The following SLC12A7 variants were observed in gnomAD, a reference collection of about 807,000 sequenced individuals.
The protein encoded by SLC12A7 is K-Cl cotransporter 4.
In SLC12A7, 100 loss-of-function variants were observed where a neutral mutation model predicts 120.6. The ratio of observed to expected loss-of-function variants is 0.83; its 90% CI spans 0.71 to 0.98. SLC12A7 has a LOEUF of 0.98. Among genes scored for constraint, SLC12A7 ranks in the 50% least tolerant of loss-of-function variants. SLC12A7 has a pLI of 0.00. For missense variants in SLC12A7, 1,373 were observed against 1,548.1 expected (o/e 0.89, Z 1.90); for synonymous variants, 760 against 678.0 (o/e 1.12, Z -1.88).
intron 6 of SLC12A7, among the ~76,000 whole-genome samples, chr5:1,086,672 C>G (rs995002231): frequency 6.6e-6 from 1 of 152,240 alleles, no homozygotes; most frequent in African/African-American, 2.4e-5. Flanking sequence ...ATGCCAGGCA[C>G]GCCTCACGGA....
Position 1,074,673 on chromosome 5 carries a change from T to C in SLC12A7, c.1968-2A>G, listed in dbSNP as rs1738121133. 1.1e-5 allele frequency: 18 copies of C among 1,612,252 alleles called. No homozygotes were observed. The highest frequency in any genetic ancestry group is 1.5e-5 in the Non-Finnish European group (18 of 1,179,752). On this transcript the variant is annotated splice_acceptor_variant, in intron 15 of 23. Transcript: ENST00000264930. LOFTEE classifies it high-confidence loss of function. ...CCATCGCCCCACTCCTTCTCGGCCCTGTGGGAAAGGAAGTCGGGGTTTGTC... is the reference window on the plus strand; with the variant it reads ...CCATCGCCCCACTCCTTCTCGGCCCCGTGGGAAAGGAAGTCGGGGTTTGTC...
intron 20 of SLC12A7, among the ~76,000 whole-genome samples, chr5:1,060,897 G>A (rs1458428381): frequency 7.4e-6 from 1 of 135,726 alleles, no homozygotes; most frequent in African/African-American, 3.3e-5. Context: ...CGCCATGCAG[G>A]ACCCTGGGTC....
chr5:1,107,810 T>C (rs1019256416), intron 1 of SLC12A7, among the ~76,000 whole-genome samples: 5 of 152,136 alleles, frequency 3.3e-5, no homozygotes, highest in Non-Finnish European at 5.9e-5. Context: ...ACCATGAACC[T>C]GAGTCCACGA....
the SLC12A7 span, among the ~76,000 whole-genome samples, chr5:1,142,560 CTCTGTCTCTCTT>C: frequency 4.6e-5 from 6 of 129,648 alleles, no homozygotes; most frequent in African/African-American, 1.8e-4. Context: ...GTGTCTCTCT[CTCTGTCTCTCTT>C]TCTGTCTCTG....
At chr5:1,066,934 G>A (rs551810507) in intron 17 of SLC12A7, among the ~76,000 whole-genome samples, 84 of 151,946 alleles carry the variant, frequency 5.5e-4, no homozygotes, top group South Asian at 1.3e-3. Context: ...CAGCAGCCCC[G>A]GGCCACTCAG....
At chr5:1,144,147 C>T in the SLC12A7 span, among the ~76,000 whole-genome samples, 2 of 151,808 alleles carry the variant, frequency 1.3e-5, no homozygotes, top group Non-Finnish European at 2.9e-5. Flanking sequence ...AGGGAGAGGA[C>T]GTGGACGCAC....
intron 3 of SLC12A7, among the ~76,000 whole-genome samples, chr5:1,091,911 C>T (rs1214324136): frequency 1.3e-5 from 2 of 151,536 alleles, no homozygotes; most frequent in Admixed American, 6.5e-5. Flanking sequence ...AAGGGCTGGC[C>T]GAGCTACAGA....
chr5:1,125,535 G>T, the SLC12A7 span, among the ~76,000 whole-genome samples: 9 of 152,226 alleles, frequency 5.9e-5, no homozygotes, highest in East Asian at 1.7e-3. Context: ...TTTATCTAGG[G>T]TGGGAGACTA....
intron 1 of SLC12A7, among the ~76,000 whole-genome samples, chr5:1,108,660 C>A (rs1742750465): frequency 6.6e-6 from 1 of 152,234 alleles, no homozygotes; most frequent in African/African-American, 2.4e-5. Context: ...CAAGTCCCTG[C>A]ATCCCCAAAG....
intron 20 of SLC12A7, among the ~76,000 whole-genome samples, chr5:1,060,694 G>A (rs546414166): frequency 2.0e-5 from 3 of 152,274 alleles, no homozygotes; most frequent in Non-Finnish European, 2.9e-5. Context: ...CCCTCCGACC[G>A]GGCACAAGGG....
rs747489820 is a variant in SLC12A7 at position 1,064,127 on chromosome 5, C to T, written c.2563G>A (p.Gly855Ser). ...AAGGGCAGCAGCATGAGCATGCCGC[C>T]GTCGTGCACGATCCACCACACGTCG... Reference protein sequence around the residue: ...HIDVWWIVHDGGMLMLLPFLL... With the variant: ...HIDVWWIVHDSGMLMLLPFLL... The change falls in exon 19 of 24, where the codon GGC becomes AGC. Residue 855 changes from glycine (G) to serine (S), a missense_variant. Gly to Ser is a moderately conservative substitution (Grantham distance 56). Transcript: ENST00000264930. 4 of 1,610,576 alleles carry T rather than the reference C, an allele frequency of 2.5e-6. No homozygotes were observed. The highest frequency in any genetic ancestry group is 3.3e-5 in the Admixed American group (2 of 59,876).
chr5:1,068,661 C>G (rs558060555), intron 17 of SLC12A7, among the ~76,000 whole-genome samples: 1 of 152,204 alleles, frequency 6.6e-6, no homozygotes, highest in African/African-American at 2.4e-5. Flanking sequence ...AGGGTGCGCT[C>G]GTCCTCCCGT....
At chr5:1,053,661 C>T (rs1735296851) in intron 22 of SLC12A7, among the ~76,000 whole-genome samples, 179 bp from the exon 23 acceptor site, 1 of 152,234 alleles carries the variant, frequency 6.6e-6, no homozygotes, top group African/African-American at 2.4e-5. Context: ...GCGAAAGGCG[C>T]TGACTGCAGC....
At chr5:1,142,662 CTCTCTG>C in the SLC12A7 span, among the ~76,000 whole-genome samples, 4 of 149,162 alleles carry the variant, frequency 2.7e-5, no homozygotes, top group Admixed American at 2.0e-4. Context: ...GTCTCCCTGT[CTCTCTG>C]TCTCTGTCTC....
At chr5:1,064,276 C>T in intron 18 of SLC12A7, 24 bp from the exon 19 acceptor site, 1 of 1,597,636 alleles carries the variant, frequency 6.3e-7, no homozygotes. Context: ...CGGCCGTCCG[C>T]AGGTCATCTG....
chr5:1,103,381 G>A (rs1357689364), intron 1 of SLC12A7, among the ~76,000 whole-genome samples: 1 of 152,158 alleles, frequency 6.6e-6, no homozygotes, highest in Non-Finnish European at 1.5e-5. Context: ...GGAAGGTCCT[G>A]GCAAGCTATG....
At chr5:1,082,194 T>C (rs1394034840) in intron 8 of SLC12A7, among the ~76,000 whole-genome samples, 4 of 142,150 alleles carry the variant, frequency 2.8e-5, no homozygotes, top group African/African-American at 1.1e-4. Flanking sequence ...GCTTCCCGTC[T>C]CGGGTTCTGG....
In SLC12A7 at chr5:1,112,011, TC is replaced by T. The variant is rs747556242; in HGVS notation, c.-21del. On this transcript the variant is annotated 5_prime_UTR_variant, in exon 1 of 24. Coordinates refer to ENST00000264930, the MANE Select transcript of SLC12A7 (RefSeq NM_006598.3). ...GGGCATGGCCGCCTGCAGCCGACAG[TC>T]CCCGTCCCGGCCCGGCCCGCGCTGC... is the stretch of plus-strand genomic sequence containing the variant. 8.7e-5 allele frequency: 109 copies of T among 1,258,832 alleles called. No individual in the cohort carries two copies. Among genetic ancestry groups the T allele is most frequent in the South Asian group, 3.4e-5 (1 of 29,830 alleles). The allele number at this position is 1,258,832 out of a possible 1,614,324, so 78.0% of individuals were successfully genotyped here.
chr5:1,119,593 C>T, the SLC12A7 span, among the ~76,000 whole-genome samples: 120 of 152,384 alleles, frequency 7.9e-4, no homozygotes, highest in African/African-American at 2.7e-3. Flanking sequence ...CAGCCCTGAC[C>T]GTCGGGCAGC....
Sources: allele counts gnomAD v4.1 joint callset (sites outside exome capture counted in the v4.1 genomes callset), GRCh38; gene constraint gnomAD v4.1.1; transcripts MANE v1.5; gene names NCBI Gene and HGNC (gene_info 2026-07-23, HGNC 2026-07-21).